The following KCNH7 variants were observed in gnomAD, a reference collection of about 807,000 sequenced individuals.
KCNH7 encodes voltage-gated inwardly rectifying potassium channel KCNH7.
In KCNH7, 49 loss-of-function variants were observed where a neutral mutation model predicts 120.8. That is an observed-to-expected ratio of 0.41 (90% CI 0.32 to 0.51). The LOEUF (loss-of-function observed/expected upper bound fraction) is 0.51. KCNH7 is among the 20% of genes least tolerant of loss of function. KCNH7 has a pLI of 0.38. For synonymous variants in KCNH7, 547 were observed against 516.1 expected, an observed-to-expected ratio of 1.06 and a Z score of -0.81; for missense variants, 1,097 against 1,446.6, an observed-to-expected ratio of 0.76 and a Z score of 3.92.
chr2:162,546,227 T>C (rs1010473831), intron 2 of KCNH7, among the ~76,000 whole-genome samples: 1 of 152,160 alleles, frequency 6.6e-6, no homozygotes, highest in African/African-American at 2.4e-5. Context: ...GAGGCCGATT[T>C]GCGGTGCTGC....
At chr2:162,436,951 A>C (rs1049398255) in intron 7 of KCNH7, among the ~76,000 whole-genome samples, 4 of 151,994 alleles carry the variant, frequency 2.6e-5, no homozygotes, top group Admixed American at 2.6e-4. Context: ...CTATACAAAA[A>C]ATTAAAATAA....
intron 6 of KCNH7, among the ~76,000 whole-genome samples, chr2:162,494,614 T>C (rs1574027215): frequency 6.6e-6 from 1 of 152,290 alleles, no homozygotes; most frequent in Non-Finnish European, 1.5e-5. Flanking sequence ...TATTGTAAAC[T>C]ACAGAAATAA....
At chr2:162,576,506 A>C (rs1003089116) in intron 2 of KCNH7, among the ~76,000 whole-genome samples, 2 of 114,174 alleles carry the variant, frequency 1.8e-5, no homozygotes, top group Admixed American at 2.1e-4. Context: ...AACTTGAGAC[A>C]GCTAATGAAA....
chr2:162,537,577 T>G (rs1053939984), intron 2 of KCNH7, among the ~76,000 whole-genome samples: 1 of 152,102 alleles, frequency 6.6e-6, no homozygotes, highest in East Asian at 1.9e-4. Flanking sequence ...ATCTTATATA[T>G]GTTACAGTAA....
intron 2 of KCNH7, among the ~76,000 whole-genome samples, chr2:162,678,005 A>T (rs1467129920): frequency 6.6e-6 from 1 of 151,560 alleles, no homozygotes; most frequent in Non-Finnish European, 1.5e-5. Context: ...AGGATAAATT[A>T]AAACACTGTA....
rs79133343 is a variant in KCNH7, at chr2:162,532,797, T to C, written c.463+4128A>G. Reference sequence around the variant, plus strand: ...TACTTGACAAGCTAGAAATACCATATCCCAACAAAATGGGAGGGAGAGGAG... The same window carrying C: ...TACTTGACAAGCTAGAAATACCATACCCCAACAAAATGGGAGGGAGAGGAG... On this transcript the variant is annotated intron_variant, in intron 3 of 15. Transcript: ENST00000332142. 4.5e-3 allele frequency among the ~76,000 whole-genome samples: 680 copies of C among 151,870 alleles called. 32 individuals are homozygous for C. In the East Asian group the frequency reaches 0.12, roughly 26 times the overall value.
At chr2:162,482,339 T>A (rs896164719) in intron 6 of KCNH7, among the ~76,000 whole-genome samples, 4 of 152,104 alleles carry the variant, frequency 2.6e-5, no homozygotes, top group Non-Finnish European at 5.9e-5. Flanking sequence ...AGATGTGATG[T>A]GCTGATGAGG....
chr2:162,403,093 C>G (rs1687111555), intron 9 of KCNH7, among the ~76,000 whole-genome samples: 1 of 151,810 alleles, frequency 6.6e-6, no homozygotes, highest in African/African-American at 2.4e-5. Flanking sequence ...GTGCGTAAAC[C>G]CTTTGATTCA....
chr2:162,443,672 T>C lies in KCNH7; in HGVS notation c.1554+2346A>G, dbSNP rs372469960. Reference sequence around the variant, plus strand: ...CTGCATCACAACATGTGGTCTGAACTAGTTCCCTGCTCCTAGCCTGACTCT... The same window carrying C: ...CTGCATCACAACATGTGGTCTGAACCAGTTCCCTGCTCCTAGCCTGACTCT... On this transcript the variant is annotated intron_variant, in intron 7 of 15. Transcript: ENST00000332142. Among the ~76,000 whole-genome samples, 20 of 152,328 alleles carry C rather than the reference T, an allele frequency of 1.3e-4. No individual in the cohort carries two copies. In the South Asian group the frequency reaches 3.3e-3, roughly 25 times the overall value.
chr2:162,595,551 G>T (rs1017606196), intron 2 of KCNH7, among the ~76,000 whole-genome samples: 1 of 151,786 alleles, frequency 6.6e-6, no homozygotes, highest in Non-Finnish European at 1.5e-5. Context: ...AACAAAATAG[G>T]TATAGGAGGA....
rs1553497413 is a variant in KCNH7, at chr2:162,577,291, G to GTCTATCTGTCTATCTATCTA, written c.308-40212_308-40211insTAGATAGATAGACAGATAGA. Among the ~76,000 whole-genome samples the GTCTATCTGTCTATCTATCTA allele has an allele frequency of 7.4e-4, 94 of 127,410 alleles. 2 individuals carry two copies. The highest frequency in any genetic ancestry group is 2.6e-3 in the African/African-American group (88 of 34,328). 83.6% of individuals were successfully genotyped at this position (127,410 alleles called of 152,430 possible). A position where few individuals can be genotyped will look rare whatever the true frequency, so the allele number is the denominator to read the frequency against. On this transcript the variant is annotated intron_variant, in intron 2 of 15. Coordinates refer to ENST00000332142, the MANE Select transcript of KCNH7 (RefSeq NM_033272.4). ...AAAGCATTAACAGATAGATCTATCTGTCTATCTATCTATCTATCTATCTAT... is the reference window on the plus strand; with the variant it reads ...AAAGCATTAACAGATAGATCTATCTGTCTATCTGTCTATCTATCTATCTATCTATCTATCTATCTATCTAT...
chr2:162,498,746 C>T (rs980178438), intron 6 of KCNH7, among the ~76,000 whole-genome samples: 1 of 152,022 alleles, frequency 6.6e-6, no homozygotes, highest in African/African-American at 2.4e-5. Context: ...AAAGAAGGTC[C>T]TTCTCCCCAA....
rs546687516 is a variant in KCNH7 at position 162,701,061 on chromosome 2, AT to A, written c.307+135475del. On this transcript the variant is annotated intron_variant, in intron 2 of 15. Transcript: ENST00000332142. ...GCTGTTTATAAGGAAGGACAATCAC[AT>A]TGCATCCCTGGCCCCTTCAGAACTA... Among the ~76,000 whole-genome samples, 230 of 152,302 alleles carry A rather than the reference AT, an allele frequency of 1.5e-3. 1 individual carries two copies. The highest frequency in any genetic ancestry group is 2.5e-3 in the South Asian group (12 of 4,826).
chr2:162,835,161 G>A (rs1240375560), intron 2 of KCNH7, among the ~76,000 whole-genome samples: 1 of 151,868 alleles, frequency 6.6e-6, no homozygotes, highest in South Asian at 2.1e-4. Context: ...AGAGAAACAT[G>A]GGAAGAACTT....
chr2:162,513,526 C>A, intron 4 of KCNH7, among the ~76,000 whole-genome samples: 1 of 147,242 alleles, frequency 6.8e-6, no homozygotes, highest in Non-Finnish European at 1.5e-5. Context: ...TCCTTCCTTT[C>A]TTCCTTTCAG....
chr2:162,541,830 T>C (rs1389683420), intron 2 of KCNH7, among the ~76,000 whole-genome samples: 1 of 152,084 alleles, frequency 6.6e-6, no homozygotes, highest in Non-Finnish European at 1.5e-5. Flanking sequence ...ATTCTGCACA[T>C]GTACCCCTGA....
At chr2:162,440,178 T>A (rs1233007171) in intron 7 of KCNH7, among the ~76,000 whole-genome samples, 1 of 151,868 alleles carries the variant, frequency 6.6e-6, no homozygotes, top group African/African-American at 2.4e-5. Flanking sequence ...TTAAAATATA[T>A]TATTTCAGAA....
intron 2 of KCNH7, among the ~76,000 whole-genome samples, chr2:162,771,227 CT>C (rs1683042203): frequency 1.3e-5 from 2 of 152,170 alleles, no homozygotes; most frequent in African/African-American, 2.4e-5. Context: ...ACTAAAACTT[CT>C]TAGCTTGACT....
chr2:162,577,389 CTATCTATCCATCT>C (rs2105910743), intron 2 of KCNH7, among the ~76,000 whole-genome samples: 1 of 150,896 alleles, frequency 6.6e-6, no homozygotes, highest in Non-Finnish European at 1.5e-5. Flanking sequence ...ATCTATCTAT[CTATCTATCCATCT>C]ATCTATCTAT....
Sources: allele counts gnomAD v4.1 joint callset (sites outside exome capture counted in the v4.1 genomes callset), GRCh38; gene constraint gnomAD v4.1.1; transcripts MANE v1.5; gene names NCBI Gene and HGNC (gene_info 2026-07-23, HGNC 2026-07-21).